The following CFAP43 variants were observed in gnomAD, a reference collection of about 807,000 sequenced individuals.
CFAP43 encodes the protein cilia and flagella associated protein 43, also known as cilia- and flagella-associated protein 43.
Under a neutral mutation model 218.9 loss-of-function variants are expected in CFAP43, and 155 were observed. The observed-to-expected ratio is 0.71, with a 90% CI of 0.62 to 0.81. The LOEUF is 0.81. Among genes scored for constraint, CFAP43 ranks in the 30% least tolerant of loss-of-function variants. The pLI is 0.00. For synonymous variants in CFAP43, 645 were observed against 681.3 expected (o/e 0.95, Z 0.83); for missense variants, 1,778 against 1,954.3 (o/e 0.91, Z 1.70).
At chr10:104,174,871 C>T (rs893660353) in intron 19 of CFAP43, among the ~76,000 whole-genome samples, 4 of 151,448 alleles carry the variant, frequency 2.6e-5, no homozygotes, top group African/African-American at 4.8e-5. Flanking sequence ...CTGGCTAACA[C>T]CGTGAAACAC....
intron 4 of CFAP43, among the ~76,000 whole-genome samples, chr10:104,213,600 A>G (rs550013412): frequency 6.6e-6 from 1 of 151,956 alleles, no homozygotes; most frequent in Admixed American, 6.6e-5. Context: ...TAGTGGCACG[A>G]TCTCGGCTCA....
At chr10:104,206,065 C>T (rs375620382) in intron 6 of CFAP43, 35 bp from the exon 7 acceptor site, 42 of 1,521,166 alleles carry the variant, frequency 2.8e-5, no homozygotes, top group Middle Eastern at 1.8e-4. Context: ...AAGCAGGTGA[C>T]GTAATTAAAA....
At chr10:104,207,221 T>C (rs2090720797) in intron 6 of CFAP43, among the ~76,000 whole-genome samples, 1 of 151,904 alleles carries the variant, frequency 6.6e-6, no homozygotes, top group Non-Finnish European at 1.5e-5. Context: ...AGAAAGGTAA[T>C]TTTCAAGATG....
chr10:104,199,394 T>C (rs1033249075), intron 8 of CFAP43, among the ~76,000 whole-genome samples: 24 of 152,220 alleles, frequency 1.6e-4, no homozygotes, highest in Non-Finnish European at 3.2e-4. Context: ...CAAAATTTGG[T>C]AGATATTTAC....
chr10:104,134,580 G>C (rs1472101377), intron 34 of CFAP43, among the ~76,000 whole-genome samples: 1 of 151,960 alleles, frequency 6.6e-6, no homozygotes, highest in Non-Finnish European at 1.5e-5. Flanking sequence ...AAATTAAAAG[G>C]ATTATAAGAG....
intron 3 of CFAP43, among the ~76,000 whole-genome samples, chr10:104,222,865 T>C (rs926788276): frequency 2.0e-5 from 3 of 152,142 alleles, no homozygotes; most frequent in African/African-American, 7.2e-5. Context: ...CTCAAATGCT[T>C]ATAGGGGCCA....
intron 16 of CFAP43, among the ~76,000 whole-genome samples, chr10:104,184,420 G>C (rs1271665868): frequency 6.6e-6 from 1 of 151,634 alleles, no homozygotes; most frequent in Non-Finnish European, 1.5e-5. Context: ...CTTATGTTAT[G>C]AGAGATAGGA....
intron 3 of CFAP43, among the ~76,000 whole-genome samples, chr10:104,223,370 T>C (rs959550020): frequency 6.6e-6 from 1 of 152,178 alleles, no homozygotes; most frequent in African/African-American, 2.4e-5. Context: ...ATAAACATAA[T>C]GTAATAGACA....
At chr10:104,152,757 T>G (rs776128740) in intron 27 of CFAP43, 31 bp from the exon 28 acceptor site, 6 of 1,592,548 alleles carry the variant, frequency 3.8e-6, no homozygotes, top group Middle Eastern at 3.4e-4. Flanking sequence ...AAGTTAACGT[T>G]TAAGAGTATT....
chr10:104,132,562 C>T (rs1196456124), intron 35 of CFAP43: 20 of 792,164 alleles, frequency 2.5e-5, no homozygotes, highest in Non-Finnish European at 2.9e-5. Context: ...TTGTAGTGAG[C>T]GGATATCACA....
chr10:104,218,410 A>G (rs577276399), intron 3 of CFAP43, among the ~76,000 whole-genome samples: 17 of 150,962 alleles, frequency 1.1e-4, no homozygotes, highest in African/African-American at 4.1e-4. Flanking sequence ...ATTTTTTTTC[A>G]AGTCATAAGC....
At chr10:104,231,748 T>C (rs2135024917) in intron 1 of CFAP43, among the ~76,000 whole-genome samples, 1 of 152,078 alleles carries the variant, frequency 6.6e-6, no homozygotes, top group South Asian at 2.1e-4. Flanking sequence ...GGATAGGAGT[T>C]AGAAGGAAAG....
chr10:104,216,453 C>G (rs2091014070), intron 3 of CFAP43, among the ~76,000 whole-genome samples: 1 of 152,176 alleles, frequency 6.6e-6, no homozygotes, highest in Non-Finnish European at 1.5e-5. Flanking sequence ...TGACTAACTT[C>G]ATGTAGGCAC....
At chr10:104,214,171 C>G in intron 4 of CFAP43, 88 bp downstream of exon 4, 3 of 1,340,438 alleles carry the variant, frequency 2.2e-6, no homozygotes, top group Non-Finnish European at 3.0e-6. Flanking sequence ...ATGTATAAAG[C>G]CACTTAATTC....
At chr10:104,204,530 T>C (rs1456764444) in intron 7 of CFAP43, among the ~76,000 whole-genome samples, 1 of 152,212 alleles carries the variant, frequency 6.6e-6, no homozygotes, top group African/African-American at 2.4e-5. Flanking sequence ...AAGGTGCTTT[T>C]TTTGAGCTCA....
At position 104,193,913 on chromosome 10, in the gene CFAP43, C is replaced by T. The variant is rs767447336; in HGVS notation, c.1395G>A (p.Gln465=). 6.2e-7 allele frequency: 1 copy of T among 1,614,142 alleles called. No homozygotes were observed. Among genetic ancestry groups the T allele is most frequent in the Non-Finnish European group, 8.5e-7 (1 of 1,180,026 alleles). Residue 465 remains glutamine (Q), a synonymous_variant, in exon 11 of 38, where the codon CAG becomes CAA. Transcript: ENST00000357060. The part of the protein sequence containing the change: ...FISVYDKESP[Q]VVHKAFLSES... ...CCGAGAGAAAGGCCTTGTGCACGACCTGAGGGGATTCCTTATCATATACGC... is the reference window on the plus strand; with the variant it reads ...CCGAGAGAAAGGCCTTGTGCACGACTTGAGGGGATTCCTTATCATATACGC...
At chr10:104,169,140 T>C (rs1170773341) in intron 20 of CFAP43, among the ~76,000 whole-genome samples, 1 of 152,132 alleles carries the variant, frequency 6.6e-6, no homozygotes, top group Non-Finnish European at 1.5e-5. Flanking sequence ...AAGTGGGGTG[T>C]GAGGATGGAT....
chr10:104,183,559 T>G (rs1373233223), intron 16 of CFAP43, among the ~76,000 whole-genome samples: 15 of 151,882 alleles, frequency 9.9e-5, no homozygotes, highest in Non-Finnish European at 1.3e-4. Context: ...CCGGCTAATT[T>G]TTTGTATTTT....
At position 104,142,369 on chromosome 10, in the gene CFAP43, A is replaced by G. The variant is rs200108519; in HGVS notation, c.4183T>C (p.Leu1395=). Residue 1395 remains leucine (L), a synonymous_variant, in exon 33 of 38, where the codon TTG becomes CTG. Coordinates refer to ENST00000357060, the MANE Select transcript of CFAP43 (RefSeq NM_025145.7). ...QKVKQKAADL[L]EMATFLQKRV... ...TTCTGGAGGAAAGTTGCCATTTCCA[A>G]TAAGTCAGCTGCTTTCTGCTTTACC... 203 of 1,613,262 alleles carry G rather than the reference A, an allele frequency of 1.3e-4. No homozygotes were observed. The East Asian group carries it at 3.6e-3, about 29-fold the overall frequency.
Sources: allele counts gnomAD v4.1 joint callset (sites outside exome capture counted in the v4.1 genomes callset), GRCh38; gene constraint gnomAD v4.1.1; transcripts MANE v1.5; gene names NCBI Gene and HGNC (gene_info 2026-07-23, HGNC 2026-07-21).